Variants in IMMP2L observed in about 807,000 individuals in gnomAD.
The protein encoded by IMMP2L is inner mitochondrial membrane peptidase subunit 2.
A neutral mutation model predicts 19.3 loss-of-function variants in IMMP2L; 18 were observed. That is an observed-to-expected ratio of 0.93 (90% CI 0.64 to 1.38). IMMP2L has a LOEUF of 1.38. Ranked by LOEUF, IMMP2L falls within the 40% of genes most tolerant of loss-of-function variation. The pLI is 0.00. For missense variants in IMMP2L, 233 were observed against 218.2 expected (o/e 1.07, Z -0.43); for synonymous variants, 76 against 73.0 (o/e 1.04, Z -0.21).
rs189775416 is a variant in IMMP2L at position 111,390,289 on chromosome 7, C to A, written c.239+96949G>T. Among the ~76,000 whole-genome samples, 88 of 152,252 alleles carry A rather than the reference C, an allele frequency of 5.8e-4. 2 individuals carry two copies. The highest frequency in any genetic ancestry group is 2.0e-3 in the African/African-American group (82 of 41,554). On this transcript the variant is annotated intron_variant, in intron 3 of 5. Transcript: ENST00000405709. Reference sequence around the variant, plus strand: ...CTGGCTTGTCTAGGGTTCTGTCAGGCCTGCCTCACAGTTTGGCTTCCTCCC... The same window carrying A: ...CTGGCTTGTCTAGGGTTCTGTCAGGACTGCCTCACAGTTTGGCTTCCTCCC...
intron 3 of IMMP2L, among the ~76,000 whole-genome samples, chr7:111,359,508 GCC>G (rs2130973446): frequency 6.6e-6 from 1 of 151,942 alleles, no homozygotes; most frequent in South Asian, 2.1e-4. Context: ...CACCATATTG[GCC>G]CATCTGGTCT....
At chr7:111,447,141 T>C (rs1261843051) in intron 3 of IMMP2L, among the ~76,000 whole-genome samples, 13 of 147,034 alleles carry the variant, frequency 8.8e-5, no homozygotes, top group Non-Finnish European at 1.6e-4. Context: ...CTGCAGGATA[T>C]TATCCAGGAG....
chr7:111,140,930 T>G (rs1802815516), intron 3 of IMMP2L, among the ~76,000 whole-genome samples: 1 of 152,216 alleles, frequency 6.6e-6, no homozygotes, highest in Admixed American at 6.5e-5. Context: ...TCTTCTTACA[T>G]ACTCTGCTTA....
chr7:111,263,719 TA>T (rs1242339377), intron 3 of IMMP2L, among the ~76,000 whole-genome samples: 1 of 152,104 alleles, frequency 6.6e-6, no homozygotes, highest in Non-Finnish European at 1.5e-5. Flanking sequence ...TAGGGTGCTC[TA>T]ATTATTAGAG....
chr7:111,036,329 G>A (rs1331321002), intron 3 of IMMP2L, among the ~76,000 whole-genome samples: 4 of 152,104 alleles, frequency 2.6e-5, no homozygotes, highest in Non-Finnish European at 4.4e-5. Context: ...CTCCCAGAAA[G>A]CCCCAGGTAA....
chr7:111,023,091 C>T (rs1261398646), intron 3 of IMMP2L, among the ~76,000 whole-genome samples: 4 of 152,058 alleles, frequency 2.6e-5, no homozygotes, highest in South Asian at 2.1e-4. Context: ...GAAGACCCCG[C>T]GAATTTGCTG....
chr7:110,744,901 T>A (rs1380954857), intron 5 of IMMP2L, among the ~76,000 whole-genome samples: 2 of 152,170 alleles, frequency 1.3e-5, no homozygotes, highest in East Asian at 1.9e-4. Flanking sequence ...GAGAATGAGT[T>A]TGACAAATTG....
At chr7:110,989,260 G>C (rs956039178) in intron 3 of IMMP2L, among the ~76,000 whole-genome samples, 4 of 151,842 alleles carry the variant, frequency 2.6e-5, no homozygotes, top group Non-Finnish European at 5.9e-5. Flanking sequence ...TTTCTGGCCA[G>C]CTGTGGTGAC....
intron 5 of IMMP2L, among the ~76,000 whole-genome samples, chr7:110,669,108 TAG>T (rs1439111205): frequency 4.2e-5 from 6 of 142,086 alleles, no homozygotes; most frequent in Admixed American, 1.4e-4. Flanking sequence ...TATATATATA[TAG>T]AGAGAGAGAG....
intron 3 of IMMP2L, among the ~76,000 whole-genome samples, chr7:111,045,943 G>T (rs561993106): frequency 6.6e-6 from 1 of 151,728 alleles, no homozygotes; most frequent in African/African-American, 2.4e-5. Flanking sequence ...TAAAAATACA[G>T]AACAAAATTA....
At chr7:110,676,059 A>C (rs745741346) in intron 5 of IMMP2L, among the ~76,000 whole-genome samples, 3 of 152,118 alleles carry the variant, frequency 2.0e-5, no homozygotes, top group Admixed American at 6.6e-5. Context: ...GCTCAGAATT[A>C]CTAAGTAACA....
chr7:111,358,529 A>G (rs1485140370), intron 3 of IMMP2L, among the ~76,000 whole-genome samples: 2 of 152,084 alleles, frequency 1.3e-5, no homozygotes, highest in Admixed American at 6.6e-5. Context: ...ATTAGAAGTC[A>G]GAAACCCCAA....
At chr7:111,397,556 A>G (rs1296638141) in intron 3 of IMMP2L, among the ~76,000 whole-genome samples, 8 of 152,166 alleles carry the variant, frequency 5.3e-5, no homozygotes, top group Non-Finnish European at 1.2e-4. Flanking sequence ...TATCTATAAA[A>G]GTACAGTTTA....
intron 3 of IMMP2L, among the ~76,000 whole-genome samples, chr7:111,016,738 T>C (rs1276360340): frequency 2.0e-5 from 2 of 97,638 alleles, no homozygotes; most frequent in Non-Finnish European, 3.6e-5. Context: ...AAAATATATA[T>C]ATTATATATA....
chr7:111,044,610 T>C (rs947396185), intron 3 of IMMP2L, among the ~76,000 whole-genome samples: 2 of 152,150 alleles, frequency 1.3e-5, no homozygotes, highest in African/African-American at 4.8e-5. Flanking sequence ...ATTCTGGATA[T>C]CTTTATGAAC....
At chr7:111,271,681 T>G (rs995032008) in intron 3 of IMMP2L, among the ~76,000 whole-genome samples, 1 of 152,054 alleles carries the variant, frequency 6.6e-6, no homozygotes, top group African/African-American at 2.4e-5. Flanking sequence ...GGTAACTACA[T>G]CCACACAGAT....
intron 3 of IMMP2L, among the ~76,000 whole-genome samples, chr7:111,281,627 A>G (rs1819896816): frequency 6.6e-6 from 1 of 152,184 alleles, no homozygotes; most frequent in African/African-American, 2.4e-5. Context: ...ATAACCAGTT[A>G]TTTTTGTCAA....
chr7:110,808,430 T>C (rs759951058), intron 5 of IMMP2L, among the ~76,000 whole-genome samples: 5 of 152,014 alleles, frequency 3.3e-5, no homozygotes, highest in Admixed American at 6.6e-5. Flanking sequence ...GGGCAGCCCT[T>C]TATGAATGAA....
chr7:111,418,975 T>C (rs562865589), intron 3 of IMMP2L, among the ~76,000 whole-genome samples: 1 of 151,938 alleles, frequency 6.6e-6, no homozygotes, highest in South Asian at 2.1e-4. Flanking sequence ...TTTTTCAATA[T>C]TGTGTTGCGA....
Sources: gnomAD v4.1 joint callset for allele counts (sites outside exome capture counted in the v4.1 genomes callset) on GRCh38, gnomAD v4.1.1 for gene constraint, MANE v1.5 for transcripts, NCBI Gene and HGNC (gene_info 2026-07-23, HGNC 2026-07-21) for gene names.